The following ADGRE2 variants were observed in gnomAD, a reference collection of about 807,000 sequenced individuals.
The protein encoded by ADGRE2 is adhesion G protein-coupled receptor E2, also known as CD97 antigen.
ADGRE2 carries 83 observed loss-of-function variants against 100.8 expected under a neutral mutation model. The ratio of observed to expected loss-of-function variants is 0.82; its 90% CI spans 0.69 to 0.99. The LOEUF (loss-of-function observed/expected upper bound fraction) is 0.99. Among genes scored for constraint, ADGRE2 ranks in the 50% least tolerant of loss-of-function variants. ADGRE2 has a pLI of 0.00. For missense variants in ADGRE2, 814 were observed against 1,035.7 expected, an observed-to-expected ratio of 0.79 and a Z score of 2.94; for synonymous variants, 355 against 413.0, an observed-to-expected ratio of 0.86 and a Z score of 1.70.
intron 16 of ADGRE2, among the ~76,000 whole-genome samples, chr19:14,748,948 G>A (rs2043176695): frequency 1.3e-5 from 2 of 151,982 alleles, no homozygotes; most frequent in Admixed American, 1.3e-4. Flanking sequence ...TGACCAGGTG[G>A]TAATTATCCC....
At chr19:14,738,401 A>G (rs2042822361) in intron 20 of ADGRE2, among the ~76,000 whole-genome samples, 2 of 152,120 alleles carry the variant, frequency 1.3e-5, no homozygotes, top group Non-Finnish European at 2.9e-5. Context: ...CCCCTGAGAC[A>G]GGGGTCTTGC....
At chr19:14,762,608 A>G (rs1332187536) in intron 11 of ADGRE2, among the ~76,000 whole-genome samples, 3 of 145,644 alleles carry the variant, frequency 2.1e-5, no homozygotes, top group African/African-American at 7.8e-5. Flanking sequence ...ACCGAAACAC[A>G]CGCTTTTAAA....
intron 18 of ADGRE2, among the ~76,000 whole-genome samples, chr19:14,745,736 C>T: frequency 6.6e-6 from 1 of 152,106 alleles, no homozygotes; most frequent in East Asian, 1.9e-4. Flanking sequence ...TCCCGAGTAG[C>T]TGGGACTACA....
chr19:14,767,406 T>G (rs1445577106), intron 5 of ADGRE2, among the ~76,000 whole-genome samples: 2 of 151,940 alleles, frequency 1.3e-5, no homozygotes, highest in Non-Finnish European at 2.9e-5. Context: ...GCCCGGCTAA[T>G]TTTTTGTATT....
chr19:14,764,586 G>T lies in ADGRE2; in HGVS notation c.931C>A (p.Leu311Met), dbSNP rs141550785. 2.2e-5 allele frequency: 35 copies of T among 1,612,334 alleles called. No homozygotes were observed. The African/African-American group carries it at 4.3e-4, about 20-fold the overall frequency. The change falls in exon 11 of 21, where the codon CTG becomes ATG. Residue 311 changes from leucine to methionine, a missense_variant. Around this residue, in one of 5 missense-constraint regions of ADGRE2, gnomAD observed 569 missense variants for 692.7 expected, o/e 0.82. Coordinates refer to ENST00000315576, the MANE Select transcript of ADGRE2 (RefSeq NM_013447.4). ...IQSILQALDELLEAPGDLETL... is the reference protein window; with the variant it reads ...IQSILQALDEMLEAPGDLETL... ...TCCAGGTCCCCAGGGGCCTCCAGCA[G>T]CTCATCCAGCGCCTGTAAGATGCTC...
At position 14,750,543 on chromosome 19, in the gene ADGRE2, T is replaced by G. The variant is rs558432081; in HGVS notation, c.2024+893A>C. ...TCTGCTGTTCTAGTCAACAGTGTCC[T>G]GGAGGTTTCAACCAGTGCAATTGGC... On this transcript the variant is annotated intron_variant, in intron 16 of 20. Coordinates refer to ENST00000315576, the MANE Select transcript of ADGRE2 (RefSeq NM_013447.4). 2.6e-5 allele frequency among the ~76,000 whole-genome samples: 4 copies of G among 151,286 alleles called. No individual in the cohort carries two copies. The East Asian group carries it at 7.8e-4, about 29-fold the overall frequency.
At chr19:14,725,499 G>T in the ADGRE2 span, among the ~76,000 whole-genome samples, 8 of 152,122 alleles carry the variant, frequency 5.3e-5, no homozygotes, top group South Asian at 1.7e-3. Flanking sequence ...CAAGTCAAAA[G>T]TCTCATCTGA....
At chr19:14,731,565 G>A (rs759043013), downstream of ADGRE2, 36 of 202,028 alleles carry the variant, frequency 1.8e-4, no homozygotes, top group Non-Finnish European at 3.1e-4. Flanking sequence ...TTCTTCAAAC[G>A]TGTACCCTAG....
At chr19:14,759,501 A>ATTT (rs1044738360) in intron 11 of ADGRE2, among the ~76,000 whole-genome samples, 6 of 86,178 alleles carry the variant, frequency 7.0e-5, no homozygotes, top group African/African-American at 2.8e-4. Context: ...ATATATATAT[A>ATTT]TATTTTTTTT....
At chr19:14,750,300 A>G (rs1490176379) in intron 16 of ADGRE2, among the ~76,000 whole-genome samples, 2 of 150,186 alleles carry the variant, frequency 1.3e-5, no homozygotes, top group Admixed American at 6.7e-5. Flanking sequence ...ATGTGATCAT[A>G]TAATTTTTAC....
intron 11 of ADGRE2, among the ~76,000 whole-genome samples, chr19:14,764,182 C>T (rs2043860863): frequency 6.6e-6 from 1 of 152,116 alleles, no homozygotes; most frequent in South Asian, 2.1e-4. Context: ...CTCACCTCAG[C>T]CTCCCAACTA....
At chr19:14,753,276 A>C (rs968182371) in intron 14 of ADGRE2, among the ~76,000 whole-genome samples, 7 of 151,914 alleles carry the variant, frequency 4.6e-5, no homozygotes, top group Non-Finnish European at 1.0e-4. Context: ...TATGTCCAGC[A>C]GGAGACTTGT....
chr19:14,774,423 A>G (rs45476192), intron 2 of ADGRE2, 117 bp from the exon 3 acceptor site: 87,312 of 1,512,738 alleles, frequency 0.058, 3,118 homozygotes, highest in African/African-American at 0.083. Flanking sequence ...GATCCTGCCC[A>G]TCGTTCAAAC....
At position 14,751,241 on chromosome 19, in the gene ADGRE2, T is replaced by C. The variant is rs1804133264; in HGVS notation, c.2024+195A>G. 3.9e-5 allele frequency among the ~76,000 whole-genome samples: 6 copies of C among 152,304 alleles called. No individual in the cohort carries two copies. In the South Asian group the frequency reaches 1.2e-3, roughly 32 times the overall value. On this transcript the variant is annotated intron_variant, in intron 16 of 20. Transcript: ENST00000315576. ...CAGAAAATTTCCGAAAACCCTCTTC[T>C]ACAATGCCTAGCTTGAAATGTAATT...
Position 14,778,341 on chromosome 19 carries a change from T to G in ADGRE2, c.-256A>C. The G allele has an allele frequency of 5.0e-6, 1 of 201,086 alleles. No homozygotes were observed. Among genetic ancestry groups the G allele is most frequent in the African/African-American group, 2.4e-5 (1 of 42,496 alleles). The allele number at this position is 201,086 out of a possible 1,614,324, so 12.5% of individuals were successfully genotyped here. On this transcript the variant is annotated 5_prime_UTR_variant, in exon 1 of 21. Transcript: ENST00000315576. ...GAAGAATCACCCGAGCTGGGGAGTT[T>G]GAGGCTGCGGTGAGCTAAGATGGTG...
chr19:14,756,194 C>T, intron 12 of ADGRE2, 44 bp downstream of exon 12: 1 of 1,384,590 alleles, frequency 7.2e-7, no homozygotes, highest in Non-Finnish European at 1.0e-6. Flanking sequence ...GCATCTTTTC[C>T]CACCATGAAG....
chr19:14,772,214 C>T (rs941650153), intron 5 of ADGRE2, 128 bp downstream of exon 5: 3 of 1,341,234 alleles, frequency 2.2e-6, no homozygotes, highest in East Asian at 4.6e-5. Context: ...ACATGCACAC[C>T]TGTCTCATCT....
At chr19:14,739,471 T>G (rs1039329622) in intron 20 of ADGRE2, among the ~76,000 whole-genome samples, 1 of 152,232 alleles carries the variant, frequency 6.6e-6, no homozygotes, top group African/African-American at 2.4e-5. Context: ...AGTACATGTT[T>G]CCTTTCTTCA....
At chr19:14,744,385 T>C (rs1357318718) in intron 18 of ADGRE2, among the ~76,000 whole-genome samples, 1 of 152,154 alleles carries the variant, frequency 6.6e-6, no homozygotes, top group African/African-American at 2.4e-5. Flanking sequence ...TAGAAGAAAG[T>C]TCATTAATTT....
Sources: allele counts gnomAD v4.1 joint callset (sites outside exome capture counted in the v4.1 genomes callset), GRCh38; gene constraint gnomAD v4.1.1; regional missense constraint gnomAD v4.1.1; transcripts MANE v1.5; gene names NCBI Gene and HGNC (gene_info 2026-07-23, HGNC 2026-07-21).